Variants in CDH13 observed in about 807,000 individuals in gnomAD.
CDH13 encodes the protein cadherin 13.
In CDH13, 24 loss-of-function variants were observed where a neutral mutation model predicts 63.8. The ratio of observed to expected loss-of-function variants is 0.38; its 90% CI spans 0.27 to 0.53. The LOEUF (loss-of-function observed/expected upper bound fraction) is 0.53, where lower values mean the gene tolerates loss of function less well. Ranked by LOEUF, CDH13 falls within the 20% of genes least tolerant of loss-of-function variation. CDH13 has a pLI of 0.85. For missense variants in CDH13, 1,049 were observed against 903.1 expected, an observed-to-expected ratio of 1.16 and a Z score of -2.07; for synonymous variants, 503 against 355.3, an observed-to-expected ratio of 1.42 and a Z score of -4.67.
In CDH13 at chr16:83,370,484, G is replaced by A. The variant is rs145547089; in HGVS notation, c.781+25478G>A. ...TTGATTTATTTTAACTTTTGTTTTA[G>A]GTTCAGGGGTACATGTGCAGGTTTG... On this transcript the variant is annotated intron_variant, in intron 6 of 13. Coordinates refer to ENST00000567109, the MANE Select transcript of CDH13 (RefSeq NM_001257.5). Among the ~76,000 whole-genome samples the A allele has an allele frequency of 6.3e-4, 95 of 149,948 alleles. 1 individual carries two copies. The highest frequency in any genetic ancestry group is 2.3e-3 in the African/African-American group (92 of 39,420).
rs1444989160 is a variant in CDH13, at chr16:83,076,945, C to A, written c.366+44727C>A. 5.9e-5 allele frequency among the ~76,000 whole-genome samples: 9 copies of A among 152,030 alleles called. No individual in the cohort carries two copies. In the East Asian group the frequency reaches 1.7e-3, roughly 29 times the overall value. On this transcript the variant is annotated intron_variant, in intron 3 of 13. Transcript: ENST00000567109. ...CAATTACTTTTGTGCCAACTGAATACAACTGTGCAACCCAAACCCCCATCA... is the reference window on the plus strand; with the variant it reads ...CAATTACTTTTGTGCCAACTGAATAAAACTGTGCAACCCAAACCCCCATCA...
chr16:83,333,578 C>G lies in CDH13; in HGVS notation c.637-11284C>G, dbSNP rs1393248699. 2.0e-5 allele frequency among the ~76,000 whole-genome samples: 3 copies of G among 152,156 alleles called. No homozygotes were observed. The East Asian group carries it at 5.8e-4, about 29-fold the overall frequency. On this transcript the variant is annotated intron_variant, in intron 5 of 13. Coordinates refer to ENST00000567109, the MANE Select transcript of CDH13 (RefSeq NM_001257.5). ...GCATTCCAAGGTCACCATACTCCCG[C>G]TAAGGTCTAACAAAGCTTTGTTTAG... is the stretch of plus-strand genomic sequence containing the variant.
rs182896049 is a variant in CDH13, at chr16:82,680,595, A to G, written c.45+53458A>G. Among the ~76,000 whole-genome samples the G allele has an allele frequency of 3.3e-5, 5 of 152,204 alleles. No homozygotes were observed. In the East Asian group the frequency reaches 9.7e-4, roughly 29 times the overall value. ...TGACTGAGTGAGACATAAATGGGTT[A>G]CTCTGTCAGTGATCATTATATTACT... is the stretch of plus-strand genomic sequence containing the variant. On this transcript the variant is annotated intron_variant, in intron 1 of 13. Coordinates refer to ENST00000567109, the MANE Select transcript of CDH13 (RefSeq NM_001257.5).
intron 1 of CDH13, among the ~76,000 whole-genome samples, chr16:82,771,514 C>G (rs2035263618): frequency 6.6e-6 from 1 of 152,196 alleles, no homozygotes; most frequent in African/African-American, 2.4e-5. Context: ...CACCTGTGCA[C>G]TCAACGACTC....
At chr16:82,645,411 A>G (rs1386560085) in intron 1 of CDH13, among the ~76,000 whole-genome samples, 8 of 151,950 alleles carry the variant, frequency 5.3e-5, no homozygotes, top group African/African-American at 1.5e-4. Context: ...TTGGCTCTCA[A>G]CTGTTGGGGT....
At chr16:83,084,348 C>T (rs575743199) in intron 3 of CDH13, among the ~76,000 whole-genome samples, 20 of 152,248 alleles carry the variant, frequency 1.3e-4, no homozygotes, top group Admixed American at 6.5e-4. Flanking sequence ...TCCCTTTTTA[C>T]GTTCATGTCT....
At chr16:83,195,456 C>G (rs904108674) in intron 4 of CDH13, among the ~76,000 whole-genome samples, 2 of 152,064 alleles carry the variant, frequency 1.3e-5, no homozygotes, top group African/African-American at 4.8e-5. Context: ...TGGCAGAAGG[C>G]AAAGTGGGAG....
At chr16:83,564,907 G>T (rs2075766502) in intron 7 of CDH13, among the ~76,000 whole-genome samples, 1 of 152,100 alleles carries the variant, frequency 6.6e-6, no homozygotes. Flanking sequence ...GTAAACTGTT[G>T]TTGTTGGTTT....
chr16:83,734,049 C>A (rs181731020), intron 10 of CDH13, among the ~76,000 whole-genome samples: 7 of 152,092 alleles, frequency 4.6e-5, no homozygotes, highest in African/African-American at 1.7e-4. Context: ...AACCCCAAAG[C>A]CTTACCTCCC....
At chr16:83,320,821 G>C (rs776908328) in intron 5 of CDH13, among the ~76,000 whole-genome samples, 16 of 152,200 alleles carry the variant, frequency 1.1e-4, no homozygotes, top group Non-Finnish European at 2.1e-4. Flanking sequence ...GAGCCCATTA[G>C]ATCTCTGGCT....
intron 6 of CDH13, among the ~76,000 whole-genome samples, chr16:83,419,228 A>G (rs568351560): frequency 2.6e-5 from 4 of 152,180 alleles, no homozygotes; most frequent in Non-Finnish European, 4.4e-5. Flanking sequence ...GAGTCTACAT[A>G]TAGGTTTACT....
At chr16:83,253,083 T>C (rs60088594) in intron 5 of CDH13, among the ~76,000 whole-genome samples, 51 of 152,302 alleles carry the variant, frequency 3.3e-4, no homozygotes, top group African/African-American at 1.2e-3. Flanking sequence ...ATAGTGGAGA[T>C]TGTAACTCTT....
At chr16:82,867,556 C>T (rs1310219877) in intron 2 of CDH13, among the ~76,000 whole-genome samples, 1 of 152,188 alleles carries the variant, frequency 6.6e-6, no homozygotes, top group Non-Finnish European at 1.5e-5. Context: ...CACCATGACA[C>T]TGACCTTGGT....
chr16:82,980,571 G>A (rs1358600224), intron 2 of CDH13, among the ~76,000 whole-genome samples: 7 of 152,232 alleles, frequency 4.6e-5, no homozygotes, highest in South Asian at 4.1e-4. Flanking sequence ...AACACTGTGC[G>A]GAGCTCTTAA....
At chr16:83,543,345 G>C (rs1274788338) in intron 7 of CDH13, among the ~76,000 whole-genome samples, 3 of 152,066 alleles carry the variant, frequency 2.0e-5, no homozygotes, top group Non-Finnish European at 2.9e-5. Flanking sequence ...CCACCTTATG[G>C]AGCCCAATGA....
At chr16:83,412,909 T>C (rs948673718) in intron 6 of CDH13, among the ~76,000 whole-genome samples, 1 of 152,230 alleles carries the variant, frequency 6.6e-6, no homozygotes, top group Non-Finnish European at 1.5e-5. Context: ...GTTACTTCCT[T>C]TTTTAAAGAA....
At chr16:82,913,409 C>G (rs9933027) in intron 2 of CDH13, among the ~76,000 whole-genome samples, 2 of 152,112 alleles carry the variant, frequency 1.3e-5, no homozygotes, top group Non-Finnish European at 1.5e-5. Context: ...GGAGCCTTTT[C>G]TTTCCCAGAT....
intron 1 of CDH13, among the ~76,000 whole-genome samples, chr16:82,802,331 C>A (rs2036904035): frequency 6.6e-6 from 1 of 152,176 alleles, no homozygotes; most frequent in Admixed American, 6.5e-5. Context: ...TTACAGATAA[C>A]CAGGAGTCGA....
In CDH13 at chr16:83,520,361, G is replaced by A. The variant is rs78721327; in HGVS notation, c.960+33706G>A. On this transcript the variant is annotated intron_variant, in intron 7 of 13. Coordinates refer to ENST00000567109, the MANE Select transcript of CDH13 (RefSeq NM_001257.5). ...TAGAGATCAGAATAGTGACTACCTTGCAGAGATGGCAGTTAGGAGAGGACA... is the reference window on the plus strand; with the variant it reads ...TAGAGATCAGAATAGTGACTACCTTACAGAGATGGCAGTTAGGAGAGGACA... 6.9e-3 allele frequency among the ~76,000 whole-genome samples: 1,054 copies of A among 152,264 alleles called. 18 individuals carry two copies. The highest frequency in any genetic ancestry group is 0.024 in the African/African-American group (999 of 41,558).
Sources: allele counts gnomAD v4.1 joint callset (sites outside exome capture counted in the v4.1 genomes callset), GRCh38; gene constraint gnomAD v4.1.1; transcripts MANE v1.5; gene names NCBI Gene and HGNC (gene_info 2026-07-23, HGNC 2026-07-21).